The following CLEC16A variants were observed in gnomAD, a reference collection of about 807,000 sequenced individuals.
The protein encoded by CLEC16A is C-type lectin domain containing 16A.
Under a neutral mutation model 109.5 loss-of-function variants are expected in CLEC16A, and 51 were observed. The observed-to-expected ratio is 0.47, with a 90% CI of 0.37 to 0.59. The LOEUF (loss-of-function observed/expected upper bound fraction) is 0.59, where lower values mean the gene tolerates loss of function less well. Ranked by LOEUF, CLEC16A falls within the 20% of genes least tolerant of loss-of-function variation. CLEC16A has a pLI of 0.00. For synonymous variants in CLEC16A, 673 were observed against 564.2 expected (o/e 1.19, Z -2.73); for missense variants, 1,339 against 1,394.0 (o/e 0.96, Z 0.63).
At chr16:10,978,617 T>C (rs2043149624) in intron 8 of CLEC16A, among the ~76,000 whole-genome samples, 1 of 152,206 alleles carries the variant, frequency 6.6e-6, no homozygotes, top group African/African-American at 2.4e-5. Context: ...CAAAGCACGC[T>C]GCTTTTCCTT....
intron 10 of CLEC16A, among the ~76,000 whole-genome samples, chr16:11,000,877 A>G (rs902620623): frequency 2.0e-5 from 3 of 152,232 alleles, no homozygotes; most frequent in African/African-American, 7.2e-5. Context: ...GTTCCCCAGC[A>G]TATAATTGGT....
chr16:11,164,352 G>A (rs2054829290), intron 22 of CLEC16A, among the ~76,000 whole-genome samples: 1 of 152,202 alleles, frequency 6.6e-6, no homozygotes, highest in Non-Finnish European at 1.5e-5. Flanking sequence ...TGCCTTTTAA[G>A]GAGCTGATCT....
intron 6 of CLEC16A, 39 bp from the exon 7 acceptor site, chr16:10,972,899 G>A: frequency 6.6e-7 from 1 of 1,523,152 alleles, no homozygotes; most frequent in East Asian, 2.4e-5. Flanking sequence ...AGTTATTTTT[G>A]GTAGCTTGAC....
chr16:11,031,477 A>T lies in CLEC16A; in HGVS notation c.1537+6556A>T, dbSNP rs767924817. ...CACTCACCTGTGTTCCCGCCTGGGC[A>T]TCCTACCTCTTTTTCTTGGGAATTT... On this transcript the variant is annotated intron_variant, in intron 13 of 23. Coordinates refer to ENST00000409790, the MANE Select transcript of CLEC16A (RefSeq NM_015226.3). 5.5e-4 allele frequency among the ~76,000 whole-genome samples: 83 copies of T among 152,252 alleles called. 2 individuals carry two copies. Among genetic ancestry groups the T allele is most frequent in the Non-Finnish European group, 2.1e-4 (14 of 68,050 alleles).
chr16:10,992,661 G>A (rs1458209388), intron 10 of CLEC16A, among the ~76,000 whole-genome samples: 2 of 151,984 alleles, frequency 1.3e-5, no homozygotes, highest in Non-Finnish European at 2.9e-5. Context: ...CATCTGTGAG[G>A]CAGAGGCTGG....
intron 22 of CLEC16A, chr16:11,157,086 G>T (rs1567403118): frequency 7.7e-7 from 1 of 1,304,246 alleles, no homozygotes; most frequent in East Asian, 5.5e-5. Flanking sequence ...GGTTTTCAAG[G>T]ATAGTGTTTA....
intron 12 of CLEC16A, among the ~76,000 whole-genome samples, chr16:11,020,766 A>G (rs1003603): frequency 0.49 from 74,418 of 152,196 alleles, 19,418 homozygotes; most frequent in African/African-American, 0.68. Flanking sequence ...TGACTTGGCC[A>G]CATGAGTTGG....
intron 10 of CLEC16A, among the ~76,000 whole-genome samples, chr16:10,991,423 C>CA (rs756161193): frequency 0.07 from 4,376 of 62,372 alleles, 188 homozygotes; most frequent in Middle Eastern, 0.1. Context: ...GACTCCGTCT[C>CA]AAAAAAAAAA....
chr16:11,097,989 G>A (rs1597376120), intron 19 of CLEC16A, among the ~76,000 whole-genome samples: 2 of 152,216 alleles, frequency 1.3e-5, no homozygotes. Context: ...CAAGTGGTAT[G>A]TAGACTTGGC....
At chr16:11,041,224 G>C (rs535351884) in intron 14 of CLEC16A, 1 of 152,320 alleles carries the variant, frequency 6.6e-6, no homozygotes, top group Admixed American at 6.5e-5. Context: ...CATTGCAATA[G>C]GTTTTTATAG....
At chr16:11,036,738 G>A (rs773969455) in intron 13 of CLEC16A, among the ~76,000 whole-genome samples, 4 of 151,842 alleles carry the variant, frequency 2.6e-5, no homozygotes, top group Non-Finnish European at 5.9e-5. Context: ...TAGTAGAGAC[G>A]GGGTTTCACC....
intron 10 of CLEC16A, among the ~76,000 whole-genome samples, chr16:10,988,463 T>C (rs1369191528): frequency 3.3e-5 from 5 of 152,168 alleles, no homozygotes; most frequent in Admixed American, 2.0e-4. Flanking sequence ...ATCATGGGGC[T>C]TGCCAGAGAT....
At chr16:11,047,919 C>T (rs2047718586) in intron 17 of CLEC16A, 1 of 152,218 alleles carries the variant, frequency 6.6e-6, no homozygotes, top group African/African-American at 2.4e-5. Context: ...CTTAGAAAAC[C>T]ATCAGATTTC....
At chr16:10,996,697 G>C (rs2152737824) in intron 10 of CLEC16A, among the ~76,000 whole-genome samples, 1 of 152,226 alleles carries the variant, frequency 6.6e-6, no homozygotes, top group East Asian at 1.9e-4. Context: ...GGGCCATGTG[G>C]CAATAAATGC....
At chr16:11,088,332 G>A (rs1480761749) in intron 19 of CLEC16A, among the ~76,000 whole-genome samples, 1 of 152,184 alleles carries the variant, frequency 6.6e-6, no homozygotes, top group East Asian at 1.9e-4. Context: ...GCTCATCCTT[G>A]CCAGGTGGGA....
Position 10,954,371 on chromosome 16 carries a change from C to T in CLEC16A, c.81-3411C>T, listed in dbSNP as rs1342763064. 6.6e-6 allele frequency among the ~76,000 whole-genome samples: 1 copy of T among 152,290 alleles called. No individual in the cohort carries two copies. The highest frequency in any genetic ancestry group is 1.9e-4 in the East Asian group (1 of 5,178). On this transcript the variant is annotated intron_variant, in intron 1 of 23. Coordinates refer to ENST00000409790, the MANE Select transcript of CLEC16A (RefSeq NM_015226.3). The surrounding 1 kb of genome is among the most constrained non-coding windows in gnomAD (Gnocchi z 4.2). ...CCTAGAATCTTTTTTTCAGGACTTA[C>T]CGCCCTGCCCTCTCTGCCTATAAGG...
chr16:11,090,949 C>G (rs945723395), intron 19 of CLEC16A, among the ~76,000 whole-genome samples: 1 of 151,214 alleles, frequency 6.6e-6, no homozygotes, highest in African/African-American at 2.4e-5. Context: ...GGATTACAGG[C>G]ATGAGCCACG....
At chr16:11,097,161 G>C (rs551581422) in intron 19 of CLEC16A, among the ~76,000 whole-genome samples, 3 of 152,140 alleles carry the variant, frequency 2.0e-5, no homozygotes, top group Non-Finnish European at 4.4e-5. Flanking sequence ...TAAAATTCTA[G>C]AACAGGTTAA....
rs117284965 is a variant in CLEC16A, at chr16:11,102,141, G to T, written c.2117-18474G>T. Reference sequence around the variant, plus strand: ...TTTTAAAAGAATTAAAAACTCAGAGGGAAAAATAGTTTGAGATTCTCCATT... The same window carrying T: ...TTTTAAAAGAATTAAAAACTCAGAGTGAAAAATAGTTTGAGATTCTCCATT... On this transcript the variant is annotated intron_variant, in intron 19 of 23. Coordinates refer to ENST00000409790, the MANE Select transcript of CLEC16A (RefSeq NM_015226.3). Among the ~76,000 whole-genome samples, 183 of 152,052 alleles carry T rather than the reference G, an allele frequency of 1.2e-3. 4 individuals are homozygous for T. In the East Asian group the frequency reaches 0.03, roughly 25 times the overall value.
Sources: allele counts gnomAD v4.1 joint callset (sites outside exome capture counted in the v4.1 genomes callset), GRCh38; gene constraint gnomAD v4.1.1; non-coding constraint Gnocchi (gnomAD v3.1); transcripts MANE v1.5; gene names NCBI Gene and HGNC (gene_info 2026-07-23, HGNC 2026-07-21).